The following CDH8 variants were observed in gnomAD, a reference collection of about 807,000 sequenced individuals.
CDH8 encodes the protein cadherin 8.
A neutral mutation model predicts 68.1 loss-of-function variants in CDH8; 17 were observed. That is an observed-to-expected ratio of 0.25 (90% CI 0.17 to 0.37). The LOEUF (loss-of-function observed/expected upper bound fraction) is 0.37, where lower values mean the gene tolerates loss of function less well. Among genes scored for constraint, CDH8 ranks in the 10% least tolerant of loss-of-function variants. The pLI, the probability that CDH8 is intolerant of heterozygous loss-of-function variation, is 1.00. For missense variants in CDH8, 763 were observed against 999.3 expected, an observed-to-expected ratio of 0.76 and a Z score of 3.19; for synonymous variants, 372 against 365.1, an observed-to-expected ratio of 1.02 and a Z score of -0.21.
chr16:61,827,208 A>C (rs1236634433), intron 4 of CDH8, among the ~76,000 whole-genome samples: 1 of 151,886 alleles, frequency 6.6e-6, no homozygotes, highest in Non-Finnish European at 1.5e-5. Flanking sequence ...ATTTTCAGTA[A>C]AAAAGATTGA....
Position 61,713,896 on chromosome 16 carries a change from G to A in CDH8, c.1599C>T (p.Tyr533=). ...DDPKNGHYFL[Y]SLLPEMVNNP... ...TGTTGACCATTTCTGGAAGGAGACT[G>A]TATAAGAAATAATGTCCGTTTTTGG... The change falls in exon 10 of 12, where the codon TAC becomes TAT. Residue 533 remains tyrosine, a synonymous_variant. Transcript: ENST00000577390. 6.2e-7 allele frequency: 1 copy of A among 1,609,020 alleles called. No homozygotes were observed. The highest frequency in any genetic ancestry group is 8.5e-7 in the Non-Finnish European group (1 of 1,176,134).
At chr16:62,031,417 T>C (rs1376274509) in intron 1 of CDH8, among the ~76,000 whole-genome samples, 2 of 152,192 alleles carry the variant, frequency 1.3e-5, no homozygotes, top group East Asian at 1.9e-4. Flanking sequence ...AATGAAAATA[T>C]GCTAGTGTAG....
chr16:61,900,428 C>G (rs996669985), intron 3 of CDH8, among the ~76,000 whole-genome samples: 1 of 152,132 alleles, frequency 6.6e-6, no homozygotes, highest in Admixed American at 6.6e-5. Context: ...TTTTATCATA[C>G]AAGGAAGAGC....
intron 10 of CDH8, among the ~76,000 whole-genome samples, chr16:61,662,533 A>G (rs1963589191): frequency 1.3e-5 from 2 of 151,896 alleles, no homozygotes; most frequent in Admixed American, 6.6e-5. Flanking sequence ...AACAGTTTCC[A>G]AAAGATAGAA....
intron 2 of CDH8, among the ~76,000 whole-genome samples, chr16:61,919,206 A>T (rs1472608143): frequency 1.4e-5 from 2 of 146,340 alleles, no homozygotes; most frequent in Non-Finnish European, 3.0e-5. Context: ...AAAACCACAA[A>T]GATGGGGAAA....
intron 2 of CDH8, among the ~76,000 whole-genome samples, chr16:61,917,101 G>C (rs961468997): frequency 7.2e-6 from 1 of 139,568 alleles, no homozygotes; most frequent in Non-Finnish European, 1.5e-5. Context: ...GTGTGTGTGT[G>C]TGTGTATGAT....
chr16:61,740,278 G>A (rs1444996285), intron 8 of CDH8, among the ~76,000 whole-genome samples: 1 of 151,742 alleles, frequency 6.6e-6, no homozygotes, highest in African/African-American at 2.4e-5. Flanking sequence ...TCAAAAGAAA[G>A]GTTTGGTGAT....
chr16:61,695,294 A>C (rs1964304925), intron 10 of CDH8, among the ~76,000 whole-genome samples: 2 of 152,108 alleles, frequency 1.3e-5, no homozygotes, highest in African/African-American at 4.8e-5. Flanking sequence ...TTTGATGTGC[A>C]AAGAGATTCA....
intron 10 of CDH8, among the ~76,000 whole-genome samples, chr16:61,669,367 T>A (rs924912049): frequency 6.6e-6 from 1 of 152,064 alleles, no homozygotes; most frequent in Non-Finnish European, 1.5e-5. Context: ...CCACCCAGCA[T>A]GCCGCAATAC....
At chr16:61,951,346 C>T (rs1267855613) in intron 2 of CDH8, among the ~76,000 whole-genome samples, 2 of 151,808 alleles carry the variant, frequency 1.3e-5, no homozygotes, top group Non-Finnish European at 2.9e-5. Flanking sequence ...CCAGTCTTTA[C>T]TAAAAATACA....
chr16:61,836,118 C>T (rs1008074916), intron 4 of CDH8, among the ~76,000 whole-genome samples: 2 of 151,906 alleles, frequency 1.3e-5, no homozygotes, highest in Admixed American at 6.6e-5. Flanking sequence ...TAATGCCTGT[C>T]GTGCTTCAAA....
intron 4 of CDH8, among the ~76,000 whole-genome samples, chr16:61,844,871 T>C (rs1962771195): frequency 6.6e-6 from 1 of 152,198 alleles, no homozygotes; most frequent in Non-Finnish European, 1.5e-5. Flanking sequence ...TGTACAGTTA[T>C]GCCATAAGGG....
At chr16:61,974,061 T>C (rs1182944775) in intron 2 of CDH8, among the ~76,000 whole-genome samples, 2 of 152,176 alleles carry the variant, frequency 1.3e-5, no homozygotes, top group African/African-American at 2.4e-5. Context: ...ATAAATAATC[T>C]GAGGCTAGAA....
intron 10 of CDH8, among the ~76,000 whole-genome samples, chr16:61,711,076 T>C (rs535427898): frequency 3.9e-5 from 6 of 152,050 alleles, no homozygotes; most frequent in Admixed American, 3.9e-4. Context: ...TCTTTATTTA[T>C]ATTGAAGGTT....
chr16:62,016,903 G>T (rs956712709), intron 2 of CDH8, among the ~76,000 whole-genome samples: 3 of 152,276 alleles, frequency 2.0e-5, no homozygotes, highest in African/African-American at 7.2e-5. Flanking sequence ...TTTTGAAAGA[G>T]AGTTGCTTAA....
intron 2 of CDH8, among the ~76,000 whole-genome samples, chr16:61,905,888 C>A (rs1964052191): frequency 6.6e-6 from 1 of 151,274 alleles, no homozygotes. Flanking sequence ...GAGCAAGACT[C>A]CGTCTTGAAA....
At chr16:61,963,864 T>G (rs947889666) in intron 2 of CDH8, among the ~76,000 whole-genome samples, 15 of 152,226 alleles carry the variant, frequency 9.9e-5, no homozygotes, top group African/African-American at 3.6e-4. Context: ...TTAAGTTTGT[T>G]CAAACCCTTT....
At chr16:61,847,912 C>T (rs74435312) in intron 4 of CDH8, among the ~76,000 whole-genome samples, 1 of 97,586 alleles carries the variant, frequency 1.0e-5, no homozygotes, top group African/African-American at 5.1e-5. Context: ...CAGACAAACA[C>T]ACACACACAC....
At position 61,926,984 on chromosome 16, in the gene CDH8, G is replaced by A. The variant is rs140320380; in HGVS notation, c.253-25511C>T. ...ATTAGAAGGCATTGCATGAGTCATCGCCTGTTATCTGAGTGCTCCACCAGT... is the reference window on the plus strand; with the variant it reads ...ATTAGAAGGCATTGCATGAGTCATCACCTGTTATCTGAGTGCTCCACCAGT... On this transcript the variant is annotated intron_variant, in intron 2 of 11. Transcript: ENST00000577390. Among the ~76,000 whole-genome samples the A allele has an allele frequency of 4.4e-3, 670 of 152,206 alleles. 6 individuals carry two copies. The highest frequency in any genetic ancestry group is 0.015 in the African/African-American group (639 of 41,524).
Sources: allele counts gnomAD v4.1 joint callset (sites outside exome capture counted in the v4.1 genomes callset), GRCh38; gene constraint gnomAD v4.1.1; transcripts MANE v1.5; gene names NCBI Gene and HGNC (gene_info 2026-07-23, HGNC 2026-07-21).